PCLO: variants seen among roughly 807,000 people sequenced by gnomAD.
PCLO encodes the protein protein piccolo.
Under a neutral mutation model 427.5 loss-of-function variants are expected in PCLO, and 82 were observed. That is an observed-to-expected ratio of 0.19 (90% CI 0.16 to 0.23). The LOEUF (loss-of-function observed/expected upper bound fraction) is 0.23. Ranked by LOEUF, PCLO falls within the 10% of genes least tolerant of loss-of-function variation. PCLO has a pLI of 1.00. For synonymous variants in PCLO, 2,357 were observed against 2,155.4 expected (o/e 1.09, Z -2.59); for missense variants, 6,239 against 6,115.9 (o/e 1.02, Z -0.67).
chr7:82,820,959 G>A (rs1474477935), intron 20 of PCLO: 14 of 1,228,320 alleles, frequency 1.1e-5, no homozygotes, highest in South Asian at 4.3e-5. Context: ...GGACTTACAT[G>A]GTGATGATGA....
At chr7:83,015,588 G>A (rs930933533) in intron 3 of PCLO, among the ~76,000 whole-genome samples, 6 of 151,942 alleles carry the variant, frequency 3.9e-5, no homozygotes, top group African/African-American at 1.2e-4. Flanking sequence ...ACTGTGTCCC[G>A]ATATAAACAG....
chr7:82,864,278 C>A (rs2115935469), intron 10 of PCLO, among the ~76,000 whole-genome samples: 1 of 152,202 alleles, frequency 6.6e-6, no homozygotes, highest in Admixed American at 6.5e-5. Context: ...ATACTAAATT[C>A]TGGGCCACTT....
intron 2 of PCLO, among the ~76,000 whole-genome samples, chr7:83,148,024 A>C (rs1792037320): frequency 6.6e-6 from 1 of 152,192 alleles, no homozygotes; most frequent in Non-Finnish European, 1.5e-5. Flanking sequence ...TAGGAATAGA[A>C]ATAGCTCCTT....
rs1160240944 is a variant in PCLO, at chr7:82,822,615, G to A, written c.14671C>T (p.Arg4891Cys). ...TGACTGCGAGATGGTCCATGAGAAC[G>A]GAGATGGCCTTCTGATGATGATTTT... The part of the protein sequence containing the change: ...SSKSSSEGHL[R>C]SHGPSRSQSK... Residue 4891 changes from arginine to cysteine, a missense_variant, in exon 20 of 25, where the codon CGT becomes TGT. Transcript: ENST00000333891. 9 of 1,613,592 alleles carry A rather than the reference G, an allele frequency of 5.6e-6. No homozygotes were observed. Among genetic ancestry groups the A allele is most frequent in the East Asian group, 4.5e-5 (2 of 44,866 alleles).
intron 22 of PCLO, among the ~76,000 whole-genome samples, chr7:82,775,118 T>C (rs1790722730): frequency 6.6e-6 from 1 of 152,208 alleles, no homozygotes; most frequent in Non-Finnish European, 1.5e-5. Flanking sequence ...TAAACCACAG[T>C]TTATTTATCC....
At chr7:83,045,153 A>G (rs1411173490) in intron 3 of PCLO, among the ~76,000 whole-genome samples, 2 of 152,182 alleles carry the variant, frequency 1.3e-5, no homozygotes, top group Non-Finnish European at 2.9e-5. Context: ...AGCCACTGCT[A>G]ATATGACAAT....
intron 10 of PCLO, among the ~76,000 whole-genome samples, chr7:82,866,856 G>A (rs1419308758): frequency 6.6e-6 from 1 of 152,084 alleles, no homozygotes; most frequent in Non-Finnish European, 1.5e-5. Context: ...TAAAAGATCT[G>A]TATAGTTCCT....
At chr7:83,134,148 T>C (rs553627138) in intron 3 of PCLO, 102 bp downstream of exon 3, 1 of 339,974 alleles carries the variant, frequency 2.9e-6, no homozygotes, top group Non-Finnish European at 5.0e-6. Context: ...TCACCACAAA[T>C]GTATTTTTTG....
intron 9 of PCLO, among the ~76,000 whole-genome samples, chr7:82,889,875 A>G (rs1200710764): frequency 5.3e-5 from 8 of 152,086 alleles, no homozygotes; most frequent in Non-Finnish European, 1.0e-4. Context: ...TATCTGAACT[A>G]TATTACAATG....
chr7:83,146,849 G>A (rs1016405834), intron 2 of PCLO, among the ~76,000 whole-genome samples: 1 of 151,812 alleles, frequency 6.6e-6, no homozygotes, highest in Non-Finnish European at 1.5e-5. Flanking sequence ...TGATCCACCC[G>A]CCTCAGCCTC....
At chr7:82,842,128 T>G (rs958005553) in intron 13 of PCLO, among the ~76,000 whole-genome samples, 1 of 152,162 alleles carries the variant, frequency 6.6e-6, no homozygotes, top group Non-Finnish European at 1.5e-5. Context: ...TTATGCTACT[T>G]GATTTCAAAA....
chr7:82,843,452 G>A (rs1304087118), intron 13 of PCLO, among the ~76,000 whole-genome samples: 1 of 152,022 alleles, frequency 6.6e-6, no homozygotes, highest in East Asian at 1.9e-4. Flanking sequence ...CTCTTAGAAG[G>A]AAGTCAAAAG....
chr7:82,864,427 G>T (rs1007166453), intron 10 of PCLO, among the ~76,000 whole-genome samples: 2 of 152,102 alleles, frequency 1.3e-5, no homozygotes, highest in African/African-American at 4.8e-5. Context: ...TGGGAGGTGA[G>T]AATGGATAAA....
At chr7:82,931,316 T>C (rs1434788507) in intron 6 of PCLO, among the ~76,000 whole-genome samples, 1 of 152,216 alleles carries the variant, frequency 6.6e-6, no homozygotes. Flanking sequence ...GCAATCATGC[T>C]ATTTAGTAGA....
chr7:83,032,384 C>T (rs1425456060), intron 3 of PCLO, among the ~76,000 whole-genome samples: 1 of 151,128 alleles, frequency 6.6e-6, no homozygotes, highest in Non-Finnish European at 1.5e-5. Flanking sequence ...CCCTCACTCC[C>T]CTCACTCCCC....
rs1218413795 is a variant in PCLO at position 83,030,125 on chromosome 7, AAAAAAAAAAG to A, written c.3301-63648_3301-63639del. Among the ~76,000 whole-genome samples the A allele has an allele frequency of 1.7e-4, 25 of 144,598 alleles. No homozygotes were observed. In the South Asian group the frequency reaches 4.8e-3, roughly 28 times the overall value. 94.9% of individuals were successfully genotyped at this position (144,598 alleles called of 152,430 possible). ...TTAAAGTATAATAATAAAAGAAAAAAAAAAAAAAAGAAAAGAAAAGACTCAGCTCAGCTTT... is the reference window on the plus strand; with the variant it reads ...TTAAAGTATAATAATAAAAGAAAAAAAAAAGAAAAGACTCAGCTCAGCTTT... On this transcript the variant is annotated intron_variant, in intron 3 of 24. Coordinates refer to ENST00000333891, the MANE Select transcript of PCLO (RefSeq NM_033026.6).
chr7:82,801,448 AAAC>A, intron 22 of PCLO, 67 bp downstream of exon 22: 1 of 813,690 alleles, frequency 1.2e-6, no homozygotes, highest in Non-Finnish European at 2.1e-6. Flanking sequence ...GTTAAAAGAA[AAAC>A]AACTGAAACA....
rs1791772124 is a variant in PCLO, at chr7:83,138,067, G to A, written c.1894-2411C>T. The stretch of plus-strand genomic sequence containing the variant: ...TTTTTCTCATTAATTTTCTTCCATA[G>A]TCTCACATGATCACCTCATAATCAT... On this transcript the variant is annotated intron_variant, in intron 2 of 24. Coordinates refer to ENST00000333891, the MANE Select transcript of PCLO (RefSeq NM_033026.6). Among the ~76,000 whole-genome samples, 3 of 152,108 alleles carry A rather than the reference G, an allele frequency of 2.0e-5. No individual in the cohort carries two copies. The South Asian group carries it at 6.2e-4, about 32-fold the overall frequency.
At chr7:83,128,029 T>C (rs1056843662) in intron 3 of PCLO, among the ~76,000 whole-genome samples, 1 of 151,914 alleles carries the variant, frequency 6.6e-6, no homozygotes, top group East Asian at 1.9e-4. Context: ...AGTTAAAAGA[T>C]AAAAAGGCAA....
Sources: gnomAD v4.1 joint callset for allele counts (sites outside exome capture counted in the v4.1 genomes callset) on GRCh38, gnomAD v4.1.1 for gene constraint, MANE v1.5 for transcripts, NCBI Gene and HGNC (gene_info 2026-07-23, HGNC 2026-07-21) for gene names.